EEFSEC: variants seen among roughly 807,000 people sequenced by gnomAD.
EEFSEC encodes the protein eukaryotic elongation factor, selenocysteine-tRNA specific, also known as selenocysteine-specific elongation factor.
A neutral mutation model predicts 42.1 loss-of-function variants in EEFSEC; 43 were observed. The observed-to-expected ratio is 1.02, with a 90% confidence interval of 0.80 to 1.32. The LOEUF is 1.32. Among genes scored for constraint, EEFSEC ranks in the 40% most tolerant of loss-of-function variants. The pLI is 0.00. For missense variants in EEFSEC, 745 were observed against 803.6 expected (o/e 0.93, Z 0.88); for synonymous variants, 354 against 339.1 (o/e 1.04, Z -0.48).
Position 128,266,887 on chromosome 3 carries a change from T to C in EEFSEC, c.786+2106T>C, listed in dbSNP as rs996389032. ...TATATTTAACAAAATTAAGATTACT[T>C]TGGTGACTGTTTGCAGATTCTTTGC... is the stretch of plus-strand genomic sequence containing the variant. On this transcript the variant is annotated intron_variant, in intron 4 of 6. Coordinates refer to ENST00000254730, the MANE Select transcript of EEFSEC (RefSeq NM_021937.5). Among the ~76,000 whole-genome samples, 16 of 152,276 alleles carry C rather than the reference T, an allele frequency of 1.1e-4. No homozygotes were observed. The South Asian group carries it at 3.3e-3, about 32-fold the overall frequency.
At chr3:128,414,459 G>T in the EEFSEC span, among the ~76,000 whole-genome samples, 3 of 152,314 alleles carry the variant, frequency 2.0e-5, no homozygotes, top group East Asian at 5.8e-4. Flanking sequence ...GCCTTCCTCA[G>T]AGGCCCAGGC....
rs191566380 is a variant in EEFSEC, at chr3:128,252,811, C to T, written c.524+5768C>T. ...CAGCACGTCTAGGCCCAGCAAGCACCGCAACATACTGTAGCTGCCAGGGAA... is the reference window on the plus strand; with the variant it reads ...CAGCACGTCTAGGCCCAGCAAGCACTGCAACATACTGTAGCTGCCAGGGAA... On this transcript the variant is annotated intron_variant, in intron 2 of 6. Transcript: ENST00000254730. Among the ~76,000 whole-genome samples the T allele has an allele frequency of 3.0e-4, 46 of 152,272 alleles. 2 individuals are homozygous for T. Among genetic ancestry groups the T allele is most frequent in the Admixed American group, 2.2e-3 (34 of 15,302 alleles).
chr3:128,173,289 T>C (rs910110703), intron 1 of EEFSEC, among the ~76,000 whole-genome samples: 1 of 152,222 alleles, frequency 6.6e-6, no homozygotes, highest in African/African-American at 2.4e-5. Context: ...AAGTTGTTCC[T>C]GCGTGTGGAT....
chr3:128,322,826 G>A (rs2067022450), intron 4 of EEFSEC, among the ~76,000 whole-genome samples: 1 of 152,160 alleles, frequency 6.6e-6, no homozygotes, highest in Non-Finnish European at 1.5e-5. Flanking sequence ...GGACCTTGCT[G>A]CCACCCCGTC....
intron 1 of EEFSEC, among the ~76,000 whole-genome samples, chr3:128,170,109 C>A (rs1009019077): frequency 1.3e-5 from 2 of 152,220 alleles, no homozygotes; most frequent in African/African-American, 2.4e-5. Context: ...TGGACACTCA[C>A]TGTAGGGAAG....
At position 128,260,257 on chromosome 3, in the gene EEFSEC, G is replaced by A. The variant is rs140300185; in HGVS notation, c.525-1871G>A. Among the ~76,000 whole-genome samples, 269 of 152,156 alleles carry A rather than the reference G, an allele frequency of 1.8e-3. 4 individuals are homozygous for A. The highest frequency in any genetic ancestry group is 0.01 in the Middle Eastern group (3 of 294). On this transcript the variant is annotated intron_variant, in intron 2 of 6. Coordinates refer to ENST00000254730, the MANE Select transcript of EEFSEC (RefSeq NM_021937.5). ...GGATTCCTTGTACATGAGTTCAGTC[G>A]CTTCTTTCTTGATGGCTTCAAGATT...
chr3:128,268,061 G>A (rs940837753), intron 4 of EEFSEC, among the ~76,000 whole-genome samples: 12 of 152,236 alleles, frequency 7.9e-5, no homozygotes, highest in Non-Finnish European at 1.6e-4. Flanking sequence ...GACTCTGAGA[G>A]CAGGGCTCTG....
intron 6 of EEFSEC, among the ~76,000 whole-genome samples, chr3:128,368,528 T>TA (rs1240092772): frequency 1.3e-5 from 2 of 152,226 alleles, no homozygotes; most frequent in East Asian, 3.9e-4. Flanking sequence ...AGAGGAGTTT[T>TA]AAAAAACAAT....
chr3:128,293,646 G>C (rs2066668264), intron 4 of EEFSEC, among the ~76,000 whole-genome samples: 1 of 108,100 alleles, frequency 9.3e-6, no homozygotes, highest in African/African-American at 4.1e-5. Context: ...GGGCGACAAA[G>C]CAAGACTCTA....
chr3:128,176,504 G>A (rs920630438), intron 1 of EEFSEC, among the ~76,000 whole-genome samples: 3 of 152,046 alleles, frequency 2.0e-5, no homozygotes, highest in African/African-American at 7.3e-5. Context: ...TGGAAGCAGT[G>A]GCTTGTTTTA....
chr3:128,358,193 C>G (rs966817406), intron 5 of EEFSEC, 24 bp from the exon 6 acceptor site: 31 of 1,611,444 alleles, frequency 1.9e-5, no homozygotes, highest in Non-Finnish European at 2.6e-5. Flanking sequence ...TGCCCTCTCT[C>G]TGTGGCTGGG....
intron 6 of EEFSEC, among the ~76,000 whole-genome samples, chr3:128,364,255 T>C (rs2107597096): frequency 6.6e-6 from 1 of 152,206 alleles, no homozygotes; most frequent in Admixed American, 6.5e-5. Flanking sequence ...TGTCCCAAGG[T>C]GCTTTCCCTG....
chr3:128,273,894 G>A (rs946488715), intron 4 of EEFSEC, among the ~76,000 whole-genome samples: 12 of 152,174 alleles, frequency 7.9e-5, no homozygotes, highest in Admixed American at 3.3e-4. Context: ...CAGTCTGGTC[G>A]TGCTTGGTGT....
intron 1 of EEFSEC, among the ~76,000 whole-genome samples, chr3:128,159,460 C>T (rs2107758267): frequency 6.6e-6 from 1 of 152,346 alleles, no homozygotes; most frequent in East Asian, 1.9e-4. Context: ...TCATTCTCTG[C>T]ACAGTGGGCA....
Position 128,247,024 on chromosome 3 carries a change from A to G in EEFSEC, c.505A>G (p.Lys169Glu), listed in dbSNP as rs1371128960. ...AIDKMTKKMQKTLENTKFRGA... is the reference protein window; with the variant it reads ...AIDKMTKKMQETLENTKFRGA... ...TGATAAAATGACCAAGAAAATGCAG[A>G]AGACCCTAGAGAACACCAAGTAGGT... The change falls in exon 2 of 7, where the codon AAG becomes GAG. Residue 169 changes from lysine (K) to glutamate (E), a missense_variant. By Grantham distance (56) the Lys-to-Glu change is moderately conservative. Coordinates refer to ENST00000254730, the MANE Select transcript of EEFSEC (RefSeq NM_021937.5). The G allele has an allele frequency of 6.2e-7, 1 of 1,614,100 alleles. No homozygotes were observed. The highest frequency in any genetic ancestry group is 1.7e-5 in the Admixed American group (1 of 60,032).
chr3:128,412,726 G>A (rs918405438), downstream of EEFSEC, among the ~76,000 whole-genome samples: 2 of 152,196 alleles, frequency 1.3e-5, no homozygotes, highest in African/African-American at 4.8e-5. Flanking sequence ...GACTGATAAC[G>A]GGGTTGAGCC....
chr3:128,259,714 TCTGGTATTTCATATAA>T (rs1330072806), intron 2 of EEFSEC, among the ~76,000 whole-genome samples: 1 of 152,244 alleles, frequency 6.6e-6, no homozygotes, highest in Non-Finnish European at 1.5e-5. Flanking sequence ...ACTTACCTAT[TCTGGTATTTCATATAA>T]ATGGAATTGC....
At chr3:128,272,763 G>A (rs1351331584) in intron 4 of EEFSEC, among the ~76,000 whole-genome samples, 1 of 152,182 alleles carries the variant, frequency 6.6e-6, no homozygotes, top group Non-Finnish European at 1.5e-5. Context: ...CTCTAATTGG[G>A]CTGGCTGGGT....
At chr3:128,328,375 C>A (rs1199675545) in intron 4 of EEFSEC, among the ~76,000 whole-genome samples, 1 of 152,306 alleles carries the variant, frequency 6.6e-6, no homozygotes, top group East Asian at 1.9e-4. Flanking sequence ...CATGCGCCGT[C>A]CAGATGTCAG....
Sources: allele counts gnomAD v4.1 joint callset (sites outside exome capture counted in the v4.1 genomes callset), GRCh38; gene constraint gnomAD v4.1.1; transcripts MANE v1.5; gene names NCBI Gene and HGNC (gene_info 2026-07-23, HGNC 2026-07-21).